ABTB2: variants seen among roughly 807,000 people sequenced by gnomAD.
The protein encoded by ABTB2 is ankyrin repeat and BTB domain containing 2, also known as ankyrin repeat and BTB/POZ domain-containing protein 2.
Under a neutral mutation model 104.1 loss-of-function variants are expected in ABTB2, and 56 were observed. The observed-to-expected ratio is 0.54, with a 90% confidence interval of 0.43 to 0.67. The LOEUF is 0.67. ABTB2 is among the 30% of genes least tolerant of loss of function. The probability of loss-of-function intolerance (pLI) is 0.00; values close to 1 mark genes in which losing one functional copy is unlikely to be tolerated. For missense variants in ABTB2, 1,279 were observed against 1,407.7 expected (o/e 0.91, Z 1.46); for synonymous variants, 606 against 608.2 (o/e 1.00, Z 0.05).
At chr11:34,283,207 C>T (rs145971442) in intron 1 of ABTB2, among the ~76,000 whole-genome samples, 1,848 of 149,940 alleles carry the variant, frequency 0.012, 24 homozygotes, top group Non-Finnish European at 0.018. Flanking sequence ...CGTAAGCCAC[C>T]GTGCCCGGCC....
At chr11:34,214,139 AACACACACACACACAC>A (rs10529537) in intron 1 of ABTB2, among the ~76,000 whole-genome samples, 2 of 139,170 alleles carry the variant, frequency 1.4e-5, no homozygotes, top group Non-Finnish European at 3.0e-5. Flanking sequence ...GCACATTCAA[AACACACACACACACAC>A]ACACACACAC....
chr11:34,287,186 A>G (rs750214429), intron 1 of ABTB2, among the ~76,000 whole-genome samples: 2 of 96,396 alleles, frequency 2.1e-5, no homozygotes, highest in Non-Finnish European at 4.4e-5. Flanking sequence ...GTCTTTATTG[A>G]AAAAAAAAAA....
In ABTB2 at chr11:34,167,989, T is replaced by C. The variant is rs769604294; in HGVS notation, c.1567A>G (p.Met523Val). The C allele has an allele frequency of 1.2e-5, 20 of 1,613,878 alleles. No individual in the cohort carries two copies. The African/African-American group carries it at 2.3e-4, about 18-fold the overall frequency. ...GCGCAGGCGTACATCAGTGGCGTCA[T>C]ACCCTGAGCAAATCAAATGCACGTG... ...DGVNTMDDQG[M>V]TPLMYACAAG... The change falls in exon 6 of 17, where the codon ATG (methionine) becomes GTG (valine). Residue 523 changes from methionine (M) to valine (V), a missense_variant. Physicochemically the swap from Met to Val is conservative, Grantham distance 21 (BLOSUM62 1). Transcript: ENST00000435224.
At chr11:34,263,805 C>T (rs987904190) in intron 1 of ABTB2, among the ~76,000 whole-genome samples, 1 of 152,200 alleles carries the variant, frequency 6.6e-6, no homozygotes, top group Non-Finnish European at 1.5e-5. Flanking sequence ...CAAAGTGACA[C>T]ACGACACACA....
rs748662610 is a variant in ABTB2, at chr11:34,162,563, C to T, written c.2218+13G>A. The stretch of plus-strand genomic sequence containing the variant: ...ATGCATGGACATGGGTGTGCATGCC[C>T]GTGAGGCCTCACCCAGTGCCCTCAG... On this transcript the variant is annotated intron_variant, in intron 10 of 16. Transcript: ENST00000435224. The T allele has an allele frequency of 6.8e-6, 11 of 1,611,796 alleles. No homozygotes were observed. Among genetic ancestry groups the T allele is most frequent in the Admixed American group, 3.3e-5 (2 of 59,972 alleles).
chr11:34,334,252 A>G (rs1409858276), intron 1 of ABTB2, among the ~76,000 whole-genome samples: 1 of 152,136 alleles, frequency 6.6e-6, no homozygotes, highest in African/African-American at 2.4e-5. Flanking sequence ...ACTGTTTTAG[A>G]CACATACGGG....
chr11:34,280,536 C>G (rs886842771), intron 1 of ABTB2, among the ~76,000 whole-genome samples: 1 of 152,118 alleles, frequency 6.6e-6, no homozygotes, highest in Non-Finnish European at 1.5e-5. Context: ...CTGTCCTAAG[C>G]CTTTTGACCT....
At chr11:34,181,529 A>G (rs555714585) in intron 3 of ABTB2, among the ~76,000 whole-genome samples, 3 of 152,304 alleles carry the variant, frequency 2.0e-5, no homozygotes, top group Non-Finnish European at 4.4e-5. Context: ...AAATGAGGCC[A>G]GCCGGTTTGT....
intron 16 of ABTB2, 91 bp from the exon 17 acceptor site, chr11:34,152,675 G>T (rs745976915): frequency 2.9e-4 from 371 of 1,295,290 alleles, no homozygotes; most frequent in Middle Eastern, 4.5e-4. Context: ...CATGGCCACA[G>T]CCCTGATTAA....
At chr11:34,167,825 C>T in intron 6 of ABTB2, 78 bp downstream of exon 6, 1 of 1,461,106 alleles carries the variant, frequency 6.8e-7, no homozygotes, top group Non-Finnish European at 9.5e-7. Context: ...AAACATCACG[C>T]CCAGCGTGTT....
chr11:34,157,532 C>A (rs1158569062), intron 14 of ABTB2, among the ~76,000 whole-genome samples: 1 of 152,198 alleles, frequency 6.6e-6, no homozygotes, highest in Non-Finnish European at 1.5e-5. Context: ...TCCCTGTAGC[C>A]CCTCTAGGAC....
At chr11:34,289,110 G>A (rs1041359657) in intron 1 of ABTB2, among the ~76,000 whole-genome samples, 14 of 152,204 alleles carry the variant, frequency 9.2e-5, no homozygotes, top group African/African-American at 3.4e-4. Flanking sequence ...GACAGGGGTG[G>A]CAAGAGCTAA....
intron 1 of ABTB2, among the ~76,000 whole-genome samples, chr11:34,297,772 A>G (rs1854639563): frequency 1.4e-5 from 1 of 70,518 alleles, no homozygotes; most frequent in African/African-American, 1.2e-4. Context: ...ATCTCAAAAA[A>G]AAAAAAAAAA....
intron 1 of ABTB2, among the ~76,000 whole-genome samples, chr11:34,211,057 A>G (rs927107023): frequency 2.6e-5 from 4 of 152,204 alleles, no homozygotes; most frequent in African/African-American, 9.6e-5. Context: ...GAAAAGTTGA[A>G]GCATGAATAG....
rs375584851 is a variant in ABTB2, at chr11:34,173,209, C to A, written c.1343G>T (p.Arg448Leu). ...AGGCAGCAGCAGCCGGGCTGCCTGC[C>A]GGATGTCGCCGCTGTCCACGGTGAG... The part of the protein sequence containing the change: ...RSLTVDSGDI[R>L]QAARLLLPGL... The change falls in exon 4 of 17, where the codon CGG becomes CTG. Residue 448 changes from arginine to leucine, a missense_variant. Transcript: ENST00000435224. The A allele has an allele frequency of 6.2e-7, 1 of 1,613,518 alleles. No individual in the cohort carries two copies. The highest frequency in any genetic ancestry group is 8.5e-7 in the Non-Finnish European group (1 of 1,179,932).
intron 1 of ABTB2, among the ~76,000 whole-genome samples, chr11:34,320,663 G>C (rs1224017110): frequency 6.6e-6 from 1 of 152,164 alleles, no homozygotes; most frequent in Non-Finnish European, 1.5e-5. Context: ...CCACAGGCAG[G>C]CATATGGGTG....
chr11:34,283,436 G>A (rs1012602226), intron 1 of ABTB2, among the ~76,000 whole-genome samples: 3 of 151,992 alleles, frequency 2.0e-5, no homozygotes, highest in African/African-American at 4.8e-5. Context: ...GGCTGATCTC[G>A]AACTCCTGAC....
chr11:34,308,425 A>T (rs887988446), intron 1 of ABTB2, among the ~76,000 whole-genome samples: 1 of 152,220 alleles, frequency 6.6e-6, no homozygotes, highest in African/African-American at 2.4e-5. Flanking sequence ...TAAAAACTTA[A>T]GACTGCAGTG....
intron 1 of ABTB2, among the ~76,000 whole-genome samples, chr11:34,261,067 G>A (rs1370247200): frequency 6.6e-6 from 1 of 152,080 alleles, no homozygotes; most frequent in Non-Finnish European, 1.5e-5. Flanking sequence ...AGGTTGTAGT[G>A]AGCAGAGATT....
Sources: allele counts gnomAD v4.1 joint callset (sites outside exome capture counted in the v4.1 genomes callset), GRCh38; gene constraint gnomAD v4.1.1; transcripts MANE v1.5; gene names NCBI Gene and HGNC (gene_info 2026-07-23, HGNC 2026-07-21).